KLHDC4: variants seen among roughly 807,000 people sequenced by gnomAD.
KLHDC4 encodes the protein kelch domain-containing protein 4.
In KLHDC4, 90 loss-of-function variants were observed where a neutral mutation model predicts 62.4. The ratio of observed to expected loss-of-function variants is 1.44; its 90% confidence interval spans 1.22 to 1.72. KLHDC4 has a LOEUF of 1.72. KLHDC4 is among the 40% of genes most tolerant of loss of function. The pLI, the probability that KLHDC4 is intolerant of heterozygous loss-of-function variation, is 0.00. For synonymous variants in KLHDC4, 386 were observed against 284.4 expected (o/e 1.36, Z -3.59); for missense variants, 1,025 against 699.7 (o/e 1.47, Z -5.25).
In KLHDC4 at chr16:87,726,722, T is replaced by C. The variant is rs761977357; in HGVS notation, c.759+43A>G. ...CTCCCCACCCCGCGCCTCGCCTGTT[T>C]CCCGGTCCCACGCCTTGCCTGTTTC... On this transcript the variant is annotated intron_variant, in intron 7 of 11. Coordinates refer to ENST00000270583, the MANE Select transcript of KLHDC4 (RefSeq NM_017566.4). 3 of 1,447,080 alleles carry C rather than the reference T, an allele frequency of 2.1e-6. No individual in the cohort carries two copies. The African/African-American group carries it at 4.8e-5, about 23-fold the overall frequency. 89.6% of individuals were successfully genotyped at this position (1,447,080 alleles called of 1,614,324 possible).
chr16:87,765,905 A>G lies in KLHDC4; in HGVS notation c.-15T>C. On this transcript the variant is annotated 5_prime_UTR_variant, in exon 1 of 12. Coordinates refer to ENST00000270583, the MANE Select transcript of KLHDC4 (RefSeq NM_017566.4). ...TTCTTGCCCATCTTGCCGGGTCCCAAGCCGCGACGGGACACCAGGAAAGAA... is the reference window on the plus strand; with the variant it reads ...TTCTTGCCCATCTTGCCGGGTCCCAGGCCGCGACGGGACACCAGGAAAGAA... The G allele has an allele frequency of 6.5e-7, 1 of 1,549,852 alleles. No homozygotes were observed. The highest frequency in any genetic ancestry group is 1.2e-5 in the South Asian group (1 of 84,058).
At chr16:87,750,605 T>G (rs1329893479) in intron 4 of KLHDC4, among the ~76,000 whole-genome samples, 1 of 152,180 alleles carries the variant, frequency 6.6e-6, no homozygotes, top group African/African-American at 2.4e-5. Context: ...GGCTGGTAAA[T>G]GAGAGTGCCA....
chr16:87,751,836 G>T (rs2043997691), intron 4 of KLHDC4, among the ~76,000 whole-genome samples: 1 of 141,906 alleles, frequency 7.0e-6, no homozygotes, highest in Non-Finnish European at 1.5e-5. Flanking sequence ...CACTTTGGGA[G>T]GCCGAGGCGG....
chr16:87,729,427 C>G (rs142432866), intron 6 of KLHDC4: 12 of 152,364 alleles, frequency 7.9e-5, no homozygotes, highest in African/African-American at 2.9e-4. Flanking sequence ...CAGCCACTGT[C>G]TCTGACACCA....
chr16:87,765,156 C>G, intron 1 of KLHDC4: 1 of 456,036 alleles, frequency 2.2e-6, no homozygotes, highest in Non-Finnish European at 4.4e-6. Flanking sequence ...GAGCAGCAGC[C>G]GCAGAACACT....
At chr16:87,736,975 A>G (rs975125724) in intron 5 of KLHDC4, among the ~76,000 whole-genome samples, 1 of 151,682 alleles carries the variant, frequency 6.6e-6, no homozygotes, top group Non-Finnish European at 1.5e-5. Flanking sequence ...AAAATATAAC[A>G]TTAGCCAGGC....
At chr16:87,701,973 T>A (rs755706783) in exon 1 of KLHDC4, 1 of 456,292 alleles carries the variant, frequency 2.2e-6, no homozygotes, top group Admixed American at 2.3e-5. Flanking sequence ...CTTGGTCATC[T>A]TCCTGGGCCT....
At chr16:87,732,869 A>C (rs979358191) in intron 5 of KLHDC4, among the ~76,000 whole-genome samples, 1 of 149,232 alleles carries the variant, frequency 6.7e-6, no homozygotes, top group African/African-American at 2.5e-5. Flanking sequence ...GTGAAAAGGC[A>C]GGTGCAAAGC....
At chr16:87,765,679 C>T in intron 1 of KLHDC4, 113 bp downstream of exon 1, 2 of 1,049,218 alleles carry the variant, frequency 1.9e-6, no homozygotes, top group Non-Finnish European at 2.7e-6. Flanking sequence ...CCAGCTCTCC[C>T]GCAGGGCCGG....
At chr16:87,712,007 T>A (rs1206958250) in intron 8 of KLHDC4, among the ~76,000 whole-genome samples, 1 of 144,992 alleles carries the variant, frequency 6.9e-6, no homozygotes, top group African/African-American at 2.6e-5. Context: ...CAGCCGCCCT[T>A]GGGCCTGCAC....
At chr16:87,748,956 C>A in intron 4 of KLHDC4, 147 bp from the exon 5 acceptor site, 1 of 871,994 alleles carries the variant, frequency 1.1e-6, no homozygotes, top group Non-Finnish European at 1.7e-6. Flanking sequence ...TCCTCTCCTG[C>A]CTCTAAGGGG....
chr16:87,701,262 G>A (rs941852833), exon 1 of KLHDC4: 18 of 232,728 alleles, frequency 7.7e-5, no homozygotes, highest in Non-Finnish European at 1.4e-4. Flanking sequence ...GCTGCAGACG[G>A]GAAGTCAACG....
chr16:87,741,270 C>A (rs140067111), intron 5 of KLHDC4, among the ~76,000 whole-genome samples: 1 of 152,326 alleles, frequency 6.6e-6, no homozygotes, highest in East Asian at 1.9e-4. Flanking sequence ...AGCCAGCCAG[C>A]GCTGGCCTGG....
chr16:87,729,666 C>G (rs956741651), intron 6 of KLHDC4, among the ~76,000 whole-genome samples: 1 of 152,232 alleles, frequency 6.6e-6, no homozygotes, highest in Non-Finnish European at 1.5e-5. Flanking sequence ...GCCAGCTGCA[C>G]GAACACCCAC....
At chr16:87,713,990 G>C (rs1170988032) in intron 8 of KLHDC4, among the ~76,000 whole-genome samples, 1 of 152,122 alleles carries the variant, frequency 6.6e-6, no homozygotes, top group Non-Finnish European at 1.5e-5. Context: ...AGCAGTCTCG[G>C]TGATGACTTC....
chr16:87,706,874 G>A (rs1202117235), downstream of KLHDC4, among the ~76,000 whole-genome samples: 2 of 152,180 alleles, frequency 1.3e-5, no homozygotes, highest in Non-Finnish European at 2.9e-5. Flanking sequence ...CCAAGGGAGC[G>A]GGGAGGTGCT....
At chr16:87,701,725 C>T (rs2034152250) in exon 1 of KLHDC4, 1 of 456,788 alleles carries the variant, frequency 2.2e-6, no homozygotes, top group Non-Finnish European at 4.4e-6. Flanking sequence ...GCCCATGCCA[C>T]CTGCTCAGGC....
At chr16:87,762,476 A>G (rs1330570954) in intron 1 of KLHDC4, among the ~76,000 whole-genome samples, 1 of 152,228 alleles carries the variant, frequency 6.6e-6, no homozygotes, top group Non-Finnish European at 1.5e-5. Flanking sequence ...AGCACCTCTC[A>G]GAGCCCAGGC....
chr16:87,753,069 G>T (rs2044277363), intron 4 of KLHDC4, among the ~76,000 whole-genome samples: 2 of 152,228 alleles, frequency 1.3e-5, no homozygotes, highest in Non-Finnish European at 2.9e-5. Flanking sequence ...AGGCAGGGCA[G>T]GTGGTCTTGC....
Sources: gnomAD v4.1 joint callset for allele counts (sites outside exome capture counted in the v4.1 genomes callset) on GRCh38, gnomAD v4.1.1 for gene constraint, MANE v1.5 for transcripts, NCBI Gene and HGNC (gene_info 2026-07-23, HGNC 2026-07-21) for gene names.